Variants in LEF1 observed in about 807,000 individuals in gnomAD.
The protein encoded by LEF1 is lymphoid enhancer binding factor 1, also known as lymphoid enhancer-binding factor 1.
LEF1 carries 14 observed loss-of-function variants against 51.2 expected under a neutral mutation model. The observed-to-expected ratio is 0.27, with a 90% CI of 0.18 to 0.43. LEF1 has a LOEUF of 0.43. Among genes scored for constraint, LEF1 ranks in the 20% least tolerant of loss-of-function variants. The pLI is 1.00. For synonymous variants in LEF1, 185 were observed against 183.2 expected, an observed-to-expected ratio of 1.01 and a Z score of -0.08; for missense variants, 386 against 512.0, an observed-to-expected ratio of 0.75 and a Z score of 2.37.
chr4:108,072,898 T>C (rs1424842304), intron 8 of LEF1: 1 of 150,956 alleles, frequency 6.6e-6, no homozygotes, highest in Admixed American at 6.6e-5. Flanking sequence ...AACATCATCG[T>C]TTTTTGTTGT....
At chr4:108,130,446 G>A (rs1358544293) in intron 3 of LEF1, among the ~76,000 whole-genome samples, 5 of 151,912 alleles carry the variant, frequency 3.3e-5, no homozygotes, top group Non-Finnish European at 5.9e-5. Flanking sequence ...CAGGCCAGGC[G>A]TGGTGGCTCA....
chr4:108,107,778 C>G (rs1271530654), intron 3 of LEF1, among the ~76,000 whole-genome samples: 1 of 152,020 alleles, frequency 6.6e-6, no homozygotes, highest in Non-Finnish European at 1.5e-5. Flanking sequence ...TCACTCTTCA[C>G]CCCCGCCCCC....
chr4:108,064,309 T>C (rs778080294), intron 10 of LEF1, 27 bp downstream of exon 10: 4 of 1,572,394 alleles, frequency 2.5e-6, no homozygotes, highest in Admixed American at 3.3e-5. Context: ...AGCCTGAGGA[T>C]TGACTGGAAA....
intron 3 of LEF1, among the ~76,000 whole-genome samples, chr4:108,108,528 T>G (rs1260255442): frequency 6.6e-6 from 1 of 152,068 alleles, no homozygotes; most frequent in Non-Finnish European, 1.5e-5. Flanking sequence ...ATAAAATAAA[T>G]TATATTAAAA....
At chr4:108,057,716 G>A (rs978677786) in intron 11 of LEF1, among the ~76,000 whole-genome samples, 1 of 152,100 alleles carries the variant, frequency 6.6e-6, no homozygotes, top group African/African-American at 2.4e-5. Flanking sequence ...AGAAAAGCCA[G>A]AAACAATCTT....
intron 3 of LEF1, among the ~76,000 whole-genome samples, chr4:108,093,266 G>A (rs1740170015): frequency 6.6e-6 from 1 of 152,188 alleles, no homozygotes; most frequent in Non-Finnish European, 1.5e-5. Flanking sequence ...CCAATACAGT[G>A]GAATCAGCAG....
chr4:108,072,909 T>G (rs1422336962), intron 8 of LEF1: 1 of 152,012 alleles, frequency 6.6e-6, no homozygotes, highest in Non-Finnish European at 1.5e-5. Flanking sequence ...TTTTTGTTGT[T>G]GTTGTTGTTG....
chr4:108,116,642 C>T (rs1741863007), intron 3 of LEF1, among the ~76,000 whole-genome samples: 1 of 152,158 alleles, frequency 6.6e-6, no homozygotes, highest in South Asian at 2.1e-4. Flanking sequence ...AGCTGTTTGC[C>T]CTGAGGGCTG....
intron 11 of LEF1, among the ~76,000 whole-genome samples, chr4:108,053,019 T>A (rs139031994): frequency 2.7e-4 from 41 of 152,318 alleles, no homozygotes; most frequent in African/African-American, 9.9e-4. Flanking sequence ...ACTCTCAACA[T>A]GTGTTCTCTC....
Position 108,064,318 on chromosome 4 carries a change from A to G in LEF1, c.1165+18T>C, listed in dbSNP as rs779350020. 3.8e-6 allele frequency: 6 copies of G among 1,595,398 alleles called. No individual in the cohort carries two copies. The Admixed American group carries it at 8.3e-5, about 22-fold the overall frequency. On this transcript the variant is annotated intron_variant, in intron 10 of 11. Coordinates refer to ENST00000265165, the MANE Select transcript of LEF1 (RefSeq NM_016269.5). ...GTCAGAAGCCTGAGGATTGACTGGA[A>G]AGTCTCATGGTGCCTACCTGATGCA...
intron 3 of LEF1, among the ~76,000 whole-genome samples, chr4:108,131,156 C>T (rs1366043474): frequency 6.6e-6 from 1 of 152,002 alleles, no homozygotes; most frequent in African/African-American, 2.4e-5. Flanking sequence ...ATTTAAACTA[C>T]TCAAGCAGTG....
chr4:108,075,401 T>A (rs1738791335), intron 8 of LEF1: 1 of 152,206 alleles, frequency 6.6e-6, no homozygotes, highest in Non-Finnish European at 1.5e-5. Flanking sequence ...CGACAATAGC[T>A]AACACATGAT....
intron 5 of LEF1, 122 bp downstream of exon 5, chr4:108,083,234 T>A: frequency 1.3e-6 from 1 of 743,756 alleles, no homozygotes; most frequent in Non-Finnish European, 2.4e-6. Context: ...AGCACCTTGC[T>A]TGTTGATGTG....
intron 3 of LEF1, among the ~76,000 whole-genome samples, chr4:108,149,580 AGTGTGTATATATTT>A (rs1479766783): frequency 2.7e-5 from 4 of 150,730 alleles, no homozygotes; most frequent in Non-Finnish European, 4.4e-5. Context: ...AATAAATTAA[AGTGTGTATATATTT>A]GTGTGTATAT....
Position 108,167,643 on chromosome 4 carries a change from C to T in LEF1, c.125G>A (p.Ser42Asn), listed in dbSNP as rs1427864631. Residue 42 changes from serine (S) to asparagine (N), a missense_variant, in exon 1 of 12, where the codon AGT becomes AAT. Coordinates refer to ENST00000265165, the MANE Select transcript of LEF1 (RefSeq NM_016269.5). The surrounding 1 kb of genome is among the most constrained non-coding windows in gnomAD (Gnocchi z 5.7). ...TAAATCGCCTTCCTCTTCGGGATGA[C>T]TGATCTCGGCGAAGATCTTTTCCTT... ...PQKEKIFAEI[S>N]HPEEEGDLAD... is the part of the protein sequence containing the mutation. 3 of 1,614,226 alleles carry T rather than the reference C, an allele frequency of 1.9e-6. No homozygotes were observed. Among genetic ancestry groups the T allele is most frequent in the Non-Finnish European group, 2.5e-6 (3 of 1,180,036 alleles).
intron 11 of LEF1, among the ~76,000 whole-genome samples, chr4:108,059,394 T>G (rs1211315986): frequency 6.6e-6 from 1 of 152,234 alleles, no homozygotes; most frequent in Non-Finnish European, 1.5e-5. Context: ...CATAGCTCAC[T>G]GCAGCCTTGA....
Position 108,168,446 on chromosome 4 carries a change from G to T in LEF1, c.-679C>A, listed in dbSNP as rs1745553834. On this transcript the variant is annotated 5_prime_UTR_variant, in exon 1 of 12. Coordinates refer to ENST00000265165, the MANE Select transcript of LEF1 (RefSeq NM_016269.5). This position sits in a 1 kb window ranked among gnomAD's most constrained non-coding sequence, Gnocchi z 4.6. The stretch of plus-strand genomic sequence containing the variant: ...TTCTTATTTTCTTCCCTTTCGCTTC[G>T]GTTTTTCTTCTCGAGGCTCATTTAA... 1 of 152,230 alleles carries T rather than the reference G, an allele frequency of 6.6e-6. No homozygotes were observed. Among genetic ancestry groups the T allele is most frequent in the Non-Finnish European group, 1.5e-5 (1 of 68,056 alleles). 9.4% of individuals were successfully genotyped at this position (152,230 alleles called of 1,614,324 possible).
intron 3 of LEF1, among the ~76,000 whole-genome samples, chr4:108,090,593 C>G (rs1739957242): frequency 6.6e-6 from 1 of 152,060 alleles, no homozygotes; most frequent in African/African-American, 2.4e-5. Flanking sequence ...TATGGCATAG[C>G]TGTAGAAATT....
intron 3 of LEF1, among the ~76,000 whole-genome samples, chr4:108,107,733 G>A (rs1402869478): frequency 1.3e-5 from 2 of 152,038 alleles, no homozygotes. Context: ...AGGATGTTAT[G>A]TCCTTTGACT....
Sources: allele counts gnomAD v4.1 joint callset (sites outside exome capture counted in the v4.1 genomes callset), GRCh38; gene constraint gnomAD v4.1.1; non-coding constraint Gnocchi (gnomAD v3.1); transcripts MANE v1.5; gene names NCBI Gene and HGNC (gene_info 2026-07-23, HGNC 2026-07-21).